Variants in KIF26B observed in about 807,000 individuals in gnomAD.
KIF26B encodes the protein kinesin-like protein KIF26B.
KIF26B carries 63 observed loss-of-function variants against 151.2 expected under a neutral mutation model. The ratio of observed to expected loss-of-function variants is 0.42; its 90% CI spans 0.34 to 0.51. The LOEUF (loss-of-function observed/expected upper bound fraction) is 0.51, where lower values mean the gene tolerates loss of function less well. KIF26B is among the 20% of genes least tolerant of loss of function. The pLI is 0.07. For missense variants in KIF26B, 2,813 were observed against 2,913.6 expected (o/e 0.97, Z 0.79); for synonymous variants, 1,357 against 1,262.1 (o/e 1.08, Z -1.59).
rs112465158 is a variant in KIF26B, at chr1:245,235,716, A to G, written c.465+79033A>G. 2.6e-3 allele frequency among the ~76,000 whole-genome samples: 390 copies of G among 152,172 alleles called. 2 individuals are homozygous for G. The highest frequency in any genetic ancestry group is 9.0e-3 in the African/African-American group (374 of 41,494). On this transcript the variant is annotated intron_variant, in intron 2 of 14. Coordinates refer to ENST00000407071, the MANE Select transcript of KIF26B (RefSeq NM_018012.4). ...AATAAGGGTTCAGAATATAGATAGA[A>G]AGGAAAAGTCCACAGAAAACTGGAG... is the stretch of plus-strand genomic sequence containing the variant.
At chr1:245,299,109 G>A (rs1671384062) in intron 2 of KIF26B, among the ~76,000 whole-genome samples, 2 of 152,104 alleles carry the variant, frequency 1.3e-5, no homozygotes, top group Non-Finnish European at 2.9e-5. Context: ...GCTGCCTCCC[G>A]CCTGCCTTTT....
At chr1:245,523,241 T>C (rs1252909037) in intron 4 of KIF26B, among the ~76,000 whole-genome samples, 3 of 152,214 alleles carry the variant, frequency 2.0e-5, no homozygotes, top group Non-Finnish European at 4.4e-5. Flanking sequence ...TAAAGTACTA[T>C]ATTACTAAAT....
intron 2 of KIF26B, among the ~76,000 whole-genome samples, chr1:245,256,541 T>G (rs186880949): frequency 1.3e-5 from 2 of 152,298 alleles, no homozygotes; most frequent in East Asian, 3.9e-4. Flanking sequence ...GAGAGTTGGT[T>G]GACTTTTTGT....
At chr1:245,382,082 T>C (rs1673424024) in intron 3 of KIF26B, among the ~76,000 whole-genome samples, 1 of 152,296 alleles carries the variant, frequency 6.6e-6, no homozygotes, top group Non-Finnish European at 1.5e-5. Flanking sequence ...TTTGGATATA[T>C]CCAGAAGTAG....
chr1:245,604,521 T>A (rs2103147797), intron 6 of KIF26B, among the ~76,000 whole-genome samples: 1 of 152,364 alleles, frequency 6.6e-6, no homozygotes, highest in South Asian at 2.1e-4. Flanking sequence ...GCTCAGTAAT[T>A]TAAACCTGAC....
intron 5 of KIF26B, among the ~76,000 whole-genome samples, chr1:245,594,959 GCTCT>G (rs1263390200): frequency 6.7e-6 from 1 of 149,208 alleles, no homozygotes; most frequent in Non-Finnish European, 1.5e-5. Context: ...TCATGATTTG[GCTCT>G]CTGTCTATTA....
At chr1:245,539,371 T>C (rs1229491773) in intron 4 of KIF26B, among the ~76,000 whole-genome samples, 1 of 152,200 alleles carries the variant, frequency 6.6e-6, no homozygotes, top group African/African-American at 2.4e-5. Flanking sequence ...GTTGCTTTTG[T>C]CTTTCTGACC....
intron 4 of KIF26B, among the ~76,000 whole-genome samples, chr1:245,476,823 G>C (rs1192051614): frequency 6.6e-6 from 1 of 151,730 alleles, no homozygotes; most frequent in Non-Finnish European, 1.5e-5. Context: ...ACCGCACCTG[G>C]CCACCCCTTT....
intron 2 of KIF26B, among the ~76,000 whole-genome samples, chr1:245,261,514 TCCCTCC>T (rs1670644585): frequency 1.8e-5 from 2 of 112,142 alleles, no homozygotes; most frequent in African/African-American, 3.2e-5. Flanking sequence ...CCTCCCTCCC[TCCCTCC>T]CTCTCTCTCC....
At chr1:245,527,287 G>A (rs1448118196) in intron 4 of KIF26B, among the ~76,000 whole-genome samples, 2 of 152,108 alleles carry the variant, frequency 1.3e-5, no homozygotes, top group African/African-American at 2.4e-5. Flanking sequence ...ATATTTTATA[G>A]ACAATTGCTT....
chr1:245,415,125 T>G (rs928258162), intron 3 of KIF26B, among the ~76,000 whole-genome samples: 3 of 152,176 alleles, frequency 2.0e-5, no homozygotes, highest in African/African-American at 4.8e-5. Context: ...GGAGAGGTTA[T>G]CAGCAGCAAA....
At chr1:245,471,125 G>GTATATATA (rs1350615793) in intron 4 of KIF26B, among the ~76,000 whole-genome samples, 82 of 144,966 alleles carry the variant, frequency 5.7e-4, no homozygotes, top group Non-Finnish European at 6.6e-4. Flanking sequence ...ATGTGTGTGT[G>GTATATATA]TGTGTGTATA....
chr1:245,479,374 G>A (rs1188185759), intron 4 of KIF26B, among the ~76,000 whole-genome samples: 1 of 151,774 alleles, frequency 6.6e-6, no homozygotes, highest in African/African-American at 2.4e-5. Context: ...AGGCACCCAG[G>A]GTATATCTAC....
intron 2 of KIF26B, among the ~76,000 whole-genome samples, chr1:245,350,915 T>C (rs1400187441): frequency 6.6e-6 from 1 of 152,224 alleles, no homozygotes; most frequent in Non-Finnish European, 1.5e-5. Context: ...TAATGGAAGT[T>C]CAAATGATGT....
In KIF26B at chr1:245,448,101, C is replaced by G. The variant is rs372266291; in HGVS notation, c.1166+28356C>G. 1.1e-3 allele frequency among the ~76,000 whole-genome samples: 174 copies of G among 152,390 alleles called. 1 individual carries two copies. The highest frequency in any genetic ancestry group is 3.9e-3 in the African/African-American group (161 of 41,600). Reference sequence around the variant, plus strand: ...TAGGAAGACACGTTGAAAGCACTATCCATTAGTAATGGCCCTTGCCAGACA... The same window carrying G: ...TAGGAAGACACGTTGAAAGCACTATGCATTAGTAATGGCCCTTGCCAGACA... On this transcript the variant is annotated intron_variant, in intron 4 of 14. Transcript: ENST00000407071.
At position 245,687,842 on chromosome 1, in the gene KIF26B, G is replaced by A; in HGVS notation, c.4859G>A (p.Gly1620Asp). 1.3e-6 allele frequency: 2 copies of A among 1,594,452 alleles called. No individual in the cohort carries two copies. The highest frequency in any genetic ancestry group is 1.7e-6 in the Non-Finnish European group (2 of 1,171,532). Reference protein sequence around the residue: ...NRASPQHSASGSGTSSPLNQP... With the variant: ...NRASPQHSASDSGTSSPLNQP... ...GCCAGCCCTCAGCACAGTGCCAGCG[G>A]CAGCGGCACCAGCAGCCCCCTGAAC... Residue 1620 changes from glycine (G) to aspartate (D), a missense_variant, in exon 12 of 15, where the codon GGC (glycine) becomes GAC (aspartate). Physicochemically the swap from Gly to Asp is moderately conservative, Grantham distance 94. Coordinates refer to ENST00000407071, the MANE Select transcript of KIF26B (RefSeq NM_018012.4). The surrounding 1 kb of genome is among the most constrained non-coding windows in gnomAD (Gnocchi z 4.9).
intron 5 of KIF26B, among the ~76,000 whole-genome samples, chr1:245,545,887 C>G (rs886360883): frequency 6.6e-6 from 1 of 152,214 alleles, no homozygotes; most frequent in Non-Finnish European, 1.5e-5. Flanking sequence ...AATGTCAGAG[C>G]TTTCTGTCTT....
chr1:245,242,893 G>T (rs1217774289), intron 2 of KIF26B, among the ~76,000 whole-genome samples: 1 of 150,386 alleles, frequency 6.6e-6, no homozygotes, highest in Non-Finnish European at 1.5e-5. Flanking sequence ...ATCATGATCT[G>T]CCCGCCTTGG....
At chr1:245,264,816 C>T (rs1006821076) in intron 2 of KIF26B, among the ~76,000 whole-genome samples, 10 of 151,266 alleles carry the variant, frequency 6.6e-5, no homozygotes, top group African/African-American at 2.2e-4. Flanking sequence ...TGGTGTGAAC[C>T]CAGGAGGCAG....
Sources: gnomAD v4.1 joint callset for allele counts (sites outside exome capture counted in the v4.1 genomes callset) on GRCh38, gnomAD v4.1.1 for gene constraint, Gnocchi (gnomAD v3.1) non-coding constraint, MANE v1.5 for transcripts, NCBI Gene and HGNC (gene_info 2026-07-23, HGNC 2026-07-21) for gene names.